The following ARHGAP35 variants were observed in gnomAD, a reference collection of about 807,000 sequenced individuals.
The protein encoded by ARHGAP35 is Rho GTPase activating protein 35, also known as rho GTPase-activating protein 35.
A neutral mutation model predicts 111.1 loss-of-function variants in ARHGAP35; 15 were observed. That is an observed-to-expected ratio of 0.13 (90% CI 0.09 to 0.21). The LOEUF is 0.21. Ranked by LOEUF, ARHGAP35 falls within the 10% of genes least tolerant of loss-of-function variation. ARHGAP35 has a pLI of 1.00. For synonymous variants in ARHGAP35, 643 were observed against 710.3 expected (o/e 0.91, Z 1.51); for missense variants, 1,262 against 1,873.0 (o/e 0.67, Z 6.02).
intron 3 of ARHGAP35, among the ~76,000 whole-genome samples, chr19:46,957,125 C>G (rs923086930): frequency 6.6e-6 from 1 of 151,976 alleles, no homozygotes; most frequent in East Asian, 1.9e-4. Flanking sequence ...CCACGCCCAA[C>G]TAATTTTTTG....
At chr19:46,876,353 C>T (rs1021105562) in intron 1 of ARHGAP35, among the ~76,000 whole-genome samples, 1 of 151,744 alleles carries the variant, frequency 6.6e-6, no homozygotes, top group East Asian at 1.9e-4. Context: ...TGCATGCCAC[C>T]AAGCCCAGCT....
intron 1 of ARHGAP35, among the ~76,000 whole-genome samples, chr19:46,865,377 C>A (rs1193067051): frequency 6.6e-6 from 1 of 152,140 alleles, no homozygotes. Context: ...GCCATGCTCC[C>A]CACCCGCCCT....
intron 3 of ARHGAP35, among the ~76,000 whole-genome samples, chr19:46,938,818 C>T (rs902294888): frequency 4.6e-5 from 7 of 151,824 alleles, no homozygotes; most frequent in Admixed American, 1.3e-4. Context: ...CCACCATGCC[C>T]GGCTAATTTT....
chr19:46,907,282 G>A (rs2056113704), intron 1 of ARHGAP35, among the ~76,000 whole-genome samples: 1 of 151,834 alleles, frequency 6.6e-6, no homozygotes, highest in African/African-American at 2.4e-5. Flanking sequence ...GAGTGGCTGG[G>A]ACTACAGGCG....
chr19:46,952,710 G>A (rs1256073733), intron 3 of ARHGAP35, among the ~76,000 whole-genome samples: 1 of 152,212 alleles, frequency 6.6e-6, no homozygotes, highest in Non-Finnish European at 1.5e-5. Context: ...GTCTCCCTCT[G>A]TTGCCCAGGT....
intron 1 of ARHGAP35, among the ~76,000 whole-genome samples, chr19:46,900,476 C>G (rs2122166710): frequency 6.6e-6 from 1 of 152,298 alleles, no homozygotes; most frequent in Admixed American, 6.5e-5. Flanking sequence ...CCACCTTGGC[C>G]TCCCAAACTG....
chr19:46,931,128 C>G lies in ARHGAP35; in HGVS notation c.3682-6136C>G, dbSNP rs147467767. 1.7e-3 allele frequency among the ~76,000 whole-genome samples: 263 copies of G among 152,278 alleles called. 1 individual carries two copies. The highest frequency in any genetic ancestry group is 0.017 in the Middle Eastern group (5 of 294). On this transcript the variant is annotated intron_variant, in intron 2 of 6. Coordinates refer to ENST00000672722, the MANE Select transcript of ARHGAP35 (RefSeq NM_004491.5). ...CTTCTGAGCCTCACCTCCTCACACA[C>G]TAGTGTGAGCAGCACAGTGTAAGGA...
intron 1 of ARHGAP35, among the ~76,000 whole-genome samples, chr19:46,877,349 G>C (rs2055930553): frequency 1.3e-5 from 2 of 151,708 alleles, no homozygotes; most frequent in Non-Finnish European, 2.9e-5. Context: ...GATCACCTAA[G>C]GTCAGGAGTT....
chr19:46,941,556 G>A (rs374124572), intron 3 of ARHGAP35, among the ~76,000 whole-genome samples: 7 of 149,514 alleles, frequency 4.7e-5, no homozygotes, highest in South Asian at 2.2e-4. Flanking sequence ...GCAACAGAGC[G>A]AGACCCTGTC....
intron 1 of ARHGAP35, among the ~76,000 whole-genome samples, chr19:46,889,489 C>T (rs1599800933): frequency 6.6e-6 from 1 of 151,872 alleles, no homozygotes; most frequent in African/African-American, 2.4e-5. Flanking sequence ...AAGAACCGTT[C>T]TTTAGTAAAC....
chr19:46,888,333 TACACACACACACACAC>T (rs72465629), intron 1 of ARHGAP35, among the ~76,000 whole-genome samples: 2 of 67,406 alleles, frequency 3.0e-5, no homozygotes, highest in African/African-American at 5.8e-5. Context: ...ATTGATTTTA[TACACACACACACACAC>T]ACACACACAC....
At chr19:46,873,666 C>CAGG (rs1158046422) in intron 1 of ARHGAP35, among the ~76,000 whole-genome samples, 1 of 149,044 alleles carries the variant, frequency 6.7e-6, no homozygotes, top group Non-Finnish European at 1.5e-5. Flanking sequence ...CGGTCAAAGT[C>CAGG]AGGAATGGCT....
At chr19:46,976,395 C>T (rs2056580073) in intron 3 of ARHGAP35, among the ~76,000 whole-genome samples, 1 of 152,180 alleles carries the variant, frequency 6.6e-6, no homozygotes, top group East Asian at 1.9e-4. Context: ...CTCGGCATTG[C>T]TAGCGGATTT....
chr19:46,959,392 ATTATTT>A (rs1001707265), intron 3 of ARHGAP35, among the ~76,000 whole-genome samples: 7 of 149,014 alleles, frequency 4.7e-5, no homozygotes, highest in South Asian at 4.2e-4. Flanking sequence ...ATTTTATTTT[ATTATTT>A]TTATTTTTAT....
chr19:46,911,168 A>G (rs916596722), intron 1 of ARHGAP35, among the ~76,000 whole-genome samples: 6 of 152,136 alleles, frequency 3.9e-5, no homozygotes, highest in African/African-American at 1.2e-4. Context: ...ACTATTATTC[A>G]TGCCTTTTAT....
rs1262051069 is a variant in ARHGAP35 at position 47,003,069 on chromosome 19, GT to G, written c.*2384del. 1 of 152,340 alleles carries G rather than the reference GT, an allele frequency of 6.6e-6. No individual in the cohort carries two copies. The highest frequency in any genetic ancestry group is 2.4e-5 in the African/African-American group (1 of 41,454). 9.4% of individuals were successfully genotyped at this position (152,340 alleles called of 1,614,324 possible). A position where few individuals can be genotyped will look rare whatever the true frequency, so the allele number is the denominator to read the frequency against. ...CACAGGAAGCCACAGGGTTCCTCTT[GT>G]TTCCCCCGCTAACTTCAGCCTCTCA... is the stretch of plus-strand genomic sequence containing the variant. On this transcript the variant is annotated 3_prime_UTR_variant, in exon 7 of 7. Transcript: ENST00000672722.
At position 47,002,575 on chromosome 19, in the gene ARHGAP35, C is replaced by G. The variant is rs982317154; in HGVS notation, c.*1887C>G. The G allele has an allele frequency of 6.6e-6, 1 of 152,234 alleles. No individual in the cohort carries two copies. The highest frequency in any genetic ancestry group is 2.4e-5 in the African/African-American group (1 of 41,456). 9.4% of individuals were successfully genotyped at this position (152,234 alleles called of 1,614,324 possible). On this transcript the variant is annotated 3_prime_UTR_variant, in exon 7 of 7. Transcript: ENST00000672722. ...AGGTGACATCTGTGTTTCGTTTTAGCTGAGGTTGGCAGAAACGTTCCCAAA... is the reference window on the plus strand; with the variant it reads ...AGGTGACATCTGTGTTTCGTTTTAGGTGAGGTTGGCAGAAACGTTCCCAAA...
intron 2 of ARHGAP35, among the ~76,000 whole-genome samples, chr19:46,934,410 C>G (rs1439284050): frequency 6.6e-6 from 1 of 152,132 alleles, no homozygotes; most frequent in Non-Finnish European, 1.5e-5. Context: ...CTCTGTCGCC[C>G]AGGCTGGAGT....
intron 3 of ARHGAP35, among the ~76,000 whole-genome samples, chr19:46,971,831 G>T (rs769120897): frequency 6.6e-6 from 1 of 151,820 alleles, no homozygotes; most frequent in Non-Finnish European, 1.5e-5. Context: ...CTACAGAGAG[G>T]TGGCCTCACA....
Sources: gnomAD v4.1 joint callset for allele counts (sites outside exome capture counted in the v4.1 genomes callset) on GRCh38, gnomAD v4.1.1 for gene constraint, MANE v1.5 for transcripts, NCBI Gene and HGNC (gene_info 2026-07-23, HGNC 2026-07-21) for gene names.